Variants in SORCS3 observed in about 807,000 individuals in gnomAD.
The protein encoded by SORCS3 is VPS10 domain-containing receptor SorCS3.
SORCS3 carries 57 observed loss-of-function variants against 146.3 expected under a neutral mutation model. The ratio of observed to expected loss-of-function variants is 0.39; its 90% CI spans 0.31 to 0.49. The LOEUF (loss-of-function observed/expected upper bound fraction) is 0.49, where lower values mean the gene tolerates loss of function less well. Ranked by LOEUF, SORCS3 falls within the 20% of genes least tolerant of loss-of-function variation. SORCS3 has a pLI of 0.92. For missense variants in SORCS3, 1,341 were observed against 1,575.5 expected, an observed-to-expected ratio of 0.85 and a Z score of 2.52; for synonymous variants, 653 against 618.5, an observed-to-expected ratio of 1.06 and a Z score of -0.83.
At chr10:104,994,418 C>T (rs937622896) in intron 4 of SORCS3, among the ~76,000 whole-genome samples, 1 of 152,098 alleles carries the variant, frequency 6.6e-6, no homozygotes, top group Non-Finnish European at 1.5e-5. Context: ...TGTGAGTTGC[C>T]TTCAGATTTT....
intron 5 of SORCS3, among the ~76,000 whole-genome samples, chr10:105,076,812 C>T (rs955398632): frequency 2.6e-5 from 4 of 152,160 alleles, no homozygotes; most frequent in African/African-American, 7.2e-5. Flanking sequence ...ATTTGCCAAG[C>T]GACTGTTTGT....
chr10:104,642,069 G>C (rs2133231668), intron 1 of SORCS3, 115 bp downstream of exon 1: 4 of 1,227,922 alleles, frequency 3.3e-6, no homozygotes, highest in Non-Finnish European at 4.4e-6. Flanking sequence ...GGGACGCCTC[G>C]ACTTTTCGAG....
At chr10:105,157,042 A>G in intron 9 of SORCS3, 96 bp from the exon 10 acceptor site, 3 of 1,409,382 alleles carry the variant, frequency 2.1e-6, no homozygotes, top group Non-Finnish European at 2.9e-6. Context: ...GAACCCCAAC[A>G]TGCCGTGGGA....
intron 1 of SORCS3, among the ~76,000 whole-genome samples, chr10:104,791,652 G>A (rs2017496614): frequency 6.6e-6 from 1 of 152,164 alleles, no homozygotes; most frequent in Non-Finnish European, 1.5e-5. Flanking sequence ...GACTAAGGAT[G>A]CCTTTAGCCC....
At chr10:104,936,560 G>A (rs924659499) in intron 3 of SORCS3, among the ~76,000 whole-genome samples, 1 of 152,184 alleles carries the variant, frequency 6.6e-6, no homozygotes, top group African/African-American at 2.4e-5. Context: ...AGTTCGATTT[G>A]GGCATGCTGA....
intron 2 of SORCS3, among the ~76,000 whole-genome samples, chr10:104,867,423 C>T (rs1441297552): frequency 1.3e-5 from 2 of 151,888 alleles, no homozygotes; most frequent in African/African-American, 2.4e-5. Flanking sequence ...CATTCTCCTG[C>T]CTCAGCCTCC....
At chr10:104,939,648 G>A (rs1223209389) in intron 3 of SORCS3, among the ~76,000 whole-genome samples, 3 of 152,158 alleles carry the variant, frequency 2.0e-5, no homozygotes, top group Non-Finnish European at 2.9e-5. Flanking sequence ...CCCTGAGACC[G>A]TGAAGTAACT....
intron 5 of SORCS3, among the ~76,000 whole-genome samples, chr10:105,082,628 G>T (rs1484178163): frequency 6.6e-6 from 1 of 152,178 alleles, no homozygotes; most frequent in Non-Finnish European, 1.5e-5. Flanking sequence ...CCTTCTTGAA[G>T]AAGACTGGAA....
At chr10:105,185,760 G>T (rs1045986568) in intron 14 of SORCS3, among the ~76,000 whole-genome samples, 13 of 151,916 alleles carry the variant, frequency 8.6e-5, no homozygotes, top group African/African-American at 2.9e-4. Context: ...TTTCATTATT[G>T]TCCATCTCAG....
At chr10:105,181,656 GATGTT>G (rs2056443580) in intron 14 of SORCS3, among the ~76,000 whole-genome samples, 1 of 152,178 alleles carries the variant, frequency 6.6e-6, no homozygotes, top group African/African-American at 2.4e-5. Context: ...TGTCTTTTCA[GATGTT>G]ATTATTTAAA....
chr10:104,855,645 A>G (rs1377985952), intron 2 of SORCS3, among the ~76,000 whole-genome samples: 2 of 152,156 alleles, frequency 1.3e-5, no homozygotes, highest in Non-Finnish European at 2.9e-5. Flanking sequence ...AGAAAATGAA[A>G]TGGGATTGTC....
At chr10:105,147,845 G>A (rs375908659) in intron 9 of SORCS3, 49 bp downstream of exon 9, 216 of 1,509,494 alleles carry the variant, frequency 1.4e-4, no homozygotes, top group Non-Finnish European at 1.8e-4. Context: ...TCTTTTTCCT[G>A]AGTTTTAATG....
intron 14 of SORCS3, among the ~76,000 whole-genome samples, chr10:105,180,508 G>T (rs143816443): frequency 1.4e-4 from 21 of 152,266 alleles, no homozygotes; most frequent in African/African-American, 4.8e-4. Context: ...TGTTAAGGGA[G>T]TAAGACTATG....
intron 1 of SORCS3, among the ~76,000 whole-genome samples, chr10:104,704,759 A>G (rs2016317345): frequency 6.6e-6 from 1 of 152,198 alleles, no homozygotes; most frequent in South Asian, 2.1e-4. Flanking sequence ...CAACTGTGGA[A>G]AGGATCATCT....
At chr10:105,100,633 T>C (rs2055777449) in intron 6 of SORCS3, among the ~76,000 whole-genome samples, 1 of 152,210 alleles carries the variant, frequency 6.6e-6, no homozygotes, top group African/African-American at 2.4e-5. Flanking sequence ...TTCTTTCTTG[T>C]CCGAACATCC....
chr10:104,938,611 C>A (rs1023661751), intron 3 of SORCS3, among the ~76,000 whole-genome samples: 1 of 152,154 alleles, frequency 6.6e-6, no homozygotes, highest in Non-Finnish European at 1.5e-5. Flanking sequence ...GGGCCCTGTG[C>A]AGAAGTCAGT....
chr10:105,188,293 G>T (rs777128116), intron 14 of SORCS3, among the ~76,000 whole-genome samples: 4 of 151,950 alleles, frequency 2.6e-5, no homozygotes, highest in African/African-American at 9.7e-5. Context: ...TTTTTATAAT[G>T]AGAAAAAGGG....
chr10:105,109,325 G>A (rs1488221487), intron 7 of SORCS3, among the ~76,000 whole-genome samples: 2 of 152,104 alleles, frequency 1.3e-5, no homozygotes, highest in African/African-American at 4.8e-5. Context: ...AATAGTATGT[G>A]TTTATGACCT....
At chr10:104,798,190 GA>G (rs1446687826) in intron 1 of SORCS3, among the ~76,000 whole-genome samples, 1 of 152,152 alleles carries the variant, frequency 6.6e-6, no homozygotes, top group African/African-American at 2.4e-5. Context: ...GGAAAGGTGG[GA>G]GCTCTAAGGT....
Sources: gnomAD v4.1 joint callset for allele counts (sites outside exome capture counted in the v4.1 genomes callset) on GRCh38, gnomAD v4.1.1 for gene constraint, MANE v1.5 for transcripts, NCBI Gene and HGNC (gene_info 2026-07-23, HGNC 2026-07-21) for gene names.